Variants in PRRC1 observed in about 807,000 individuals in gnomAD.
PRRC1 encodes the protein proline rich coiled-coil 1, also known as protein PRRC1.
A neutral mutation model predicts 40.7 loss-of-function variants in PRRC1; 39 were observed. The ratio of observed to expected loss-of-function variants is 0.96; its 90% CI spans 0.74 to 1.25. The LOEUF is 1.25. Ranked by LOEUF, PRRC1 falls within the 50% of genes most tolerant of loss-of-function variation. The pLI, the probability that PRRC1 is intolerant of heterozygous loss-of-function variation, is 0.00. For synonymous variants in PRRC1, 175 were observed against 193.3 expected (o/e 0.91, Z 0.79); for missense variants, 573 against 548.3 (o/e 1.05, Z -0.45).
intron 2 of PRRC1, 166 bp downstream of exon 2, chr5:127,523,748 G>T (rs1408926168): frequency 4.6e-6 from 2 of 437,772 alleles, no homozygotes; most frequent in East Asian, 6.8e-5. Context: ...AGAAAGTCTT[G>T]TGTATTTAAA....
At chr5:127,518,734 T>TC (rs1269532704) in intron 1 of PRRC1, among the ~76,000 whole-genome samples, 2 of 150,638 alleles carry the variant, frequency 1.3e-5, no homozygotes, top group African/African-American at 4.9e-5. Context: ...ACATCCACTT[T>TC]TTTTTTTTTT....
chr5:127,535,523 C>T (rs1378920950), intron 6 of PRRC1, among the ~76,000 whole-genome samples: 4 of 152,200 alleles, frequency 2.6e-5, no homozygotes, highest in Non-Finnish European at 1.5e-5. Flanking sequence ...TCAAATTTCT[C>T]ATAGCTCTGT....
intron 7 of PRRC1, among the ~76,000 whole-genome samples, chr5:127,540,836 G>C (rs564748840): frequency 6.6e-6 from 1 of 152,072 alleles, no homozygotes; most frequent in East Asian, 1.9e-4. Flanking sequence ...TGTGATTCTG[G>C]ATATTAGCCC....
chr5:127,518,894 G>A (rs996391001), intron 1 of PRRC1, among the ~76,000 whole-genome samples: 1 of 152,072 alleles, frequency 6.6e-6, no homozygotes, highest in Non-Finnish European at 1.5e-5. Flanking sequence ...CCCTAAAACA[G>A]TTACCAACTC....
chr5:127,552,008 T>G lies in PRRC1; in HGVS notation c.*92T>G. The stretch of plus-strand genomic sequence containing the variant: ...ACCTTCCTAAATCGAATAGTCTAAA[T>G]GAATCCAGTAGTTTTTATCATTTTC... On this transcript the variant is annotated 3_prime_UTR_variant, in exon 9 of 9. Transcript: ENST00000296666. The G allele has an allele frequency of 6.5e-7, 1 of 1,538,252 alleles. No individual in the cohort carries two copies. Among genetic ancestry groups the G allele is most frequent in the Non-Finnish European group, 8.8e-7 (1 of 1,139,974 alleles).
chr5:127,529,548 C>T (rs182819189), intron 4 of PRRC1, among the ~76,000 whole-genome samples: 20 of 152,206 alleles, frequency 1.3e-4, no homozygotes, highest in African/African-American at 2.4e-4. Flanking sequence ...CCTGAGTCAC[C>T]TTAGTTTAAT....
chr5:127,533,161 C>T (rs979624235), intron 5 of PRRC1, among the ~76,000 whole-genome samples: 1 of 151,886 alleles, frequency 6.6e-6, no homozygotes, highest in Admixed American at 6.6e-5. Flanking sequence ...GGTGTATGCT[C>T]AGAACATTGT....
intron 7 of PRRC1, among the ~76,000 whole-genome samples, chr5:127,547,342 A>G (rs1459823284): frequency 2.0e-5 from 3 of 152,092 alleles, no homozygotes; most frequent in African/African-American, 7.2e-5. Context: ...TTTATTATTA[A>G]TGAAGAGAGT....
intron 8 of PRRC1, chr5:127,548,329 G>A (rs1007056221): frequency 6.1e-6 from 2 of 326,028 alleles, no homozygotes; most frequent in South Asian, 9.7e-5. Context: ...TTCATCTTTA[G>A]TGAAATCAAC....
chr5:127,539,254 T>A, intron 7 of PRRC1, 111 bp downstream of exon 7: 1 of 734,806 alleles, frequency 1.4e-6, no homozygotes, highest in South Asian at 1.7e-5. Context: ...AAAAGTATAT[T>A]TTGATGCTGG....
At position 127,553,533 on chromosome 5, in the gene PRRC1, A is replaced by G; in HGVS notation, c.*1617A>G. 8.4e-7 allele frequency: 1 copy of G among 1,187,826 alleles called. No individual in the cohort carries two copies. The highest frequency in any genetic ancestry group is 1.1e-6 in the Non-Finnish European group (1 of 952,280). 73.6% of individuals were successfully genotyped at this position (1,187,826 alleles called of 1,614,324 possible). On this transcript the variant is annotated 3_prime_UTR_variant, in exon 9 of 9. Transcript: ENST00000296666. ...GGCTTTCTCTACCATTTGCGTCTACACTTTATTTTAAAAGCTATCCTTTTC... is the reference window on the plus strand; with the variant it reads ...GGCTTTCTCTACCATTTGCGTCTACGCTTTATTTTAAAAGCTATCCTTTTC...
At chr5:127,548,078 A>T (rs1324078244) in intron 8 of PRRC1, 157 bp downstream of exon 8, 1 of 694,588 alleles carries the variant, frequency 1.4e-6, no homozygotes, top group African/African-American at 1.8e-5. Flanking sequence ...TAATTTCCTG[A>T]TCCTTCCATG....
At chr5:127,536,263 T>G (rs1767897749) in intron 6 of PRRC1, among the ~76,000 whole-genome samples, 1 of 150,856 alleles carries the variant, frequency 6.6e-6, no homozygotes, top group South Asian at 2.1e-4. Context: ...CAAAGGTAAC[T>G]GACGGCTGTA....
In PRRC1 at chr5:127,554,458, A is replaced by G. The variant is rs940401857; in HGVS notation, c.*2542A>G. The G allele has an allele frequency of 6.6e-6, 1 of 151,166 alleles. No individual in the cohort carries two copies. The highest frequency in any genetic ancestry group is 2.4e-5 in the African/African-American group (1 of 41,284). The allele number at this position is 151,166 out of a possible 1,614,324, so 9.4% of individuals were successfully genotyped here. On this transcript the variant is annotated 3_prime_UTR_variant, in exon 9 of 9. Coordinates refer to ENST00000296666, the MANE Select transcript of PRRC1 (RefSeq NM_130809.5). ...ATTGAATTTTATAAGCTTGTACACA[A>G]TATTTAATTAGTGTGAAAGGAAACA... is the stretch of plus-strand genomic sequence containing the variant.
At chr5:127,529,073 T>A (rs1045752276) in intron 4 of PRRC1, among the ~76,000 whole-genome samples, 3 of 152,226 alleles carry the variant, frequency 2.0e-5, no homozygotes, top group African/African-American at 7.2e-5. Flanking sequence ...TATCAGTATT[T>A]AGTTGTGTAA....
chr5:127,523,404 T>C, intron 1 of PRRC1, 56 bp from the exon 2 acceptor site: 1 of 794,044 alleles, frequency 1.3e-6, no homozygotes. Context: ...ATTCAAGCTT[T>C]AAAAATATAC....
At chr5:127,519,918 A>G (rs900053634) in intron 1 of PRRC1, among the ~76,000 whole-genome samples, 1 of 152,128 alleles carries the variant, frequency 6.6e-6, no homozygotes, top group Non-Finnish European at 1.5e-5. Context: ...AGTGTTTCCT[A>G]TCTTTGTGCA....
Position 127,539,078 on chromosome 5 carries a change from G to A in PRRC1, c.960G>A (p.Gly320=), listed in dbSNP as rs747422094. ...QERIDSLRRT[G]VIHEKQTAVS... ...GGATAGATAGCTTGCGTCGAACTGG[G>A]GTGATCCATGAAAAACAGACAGCTG... The change falls in exon 7 of 9, where the codon GGG becomes GGA. Residue 320 remains glycine (G), a synonymous_variant. Transcript: ENST00000296666. The A allele has an allele frequency of 3.1e-6, 5 of 1,612,794 alleles. No homozygotes were observed. Among genetic ancestry groups the A allele is most frequent in the African/African-American group, 2.7e-5 (2 of 74,858 alleles).
At chr5:127,533,889 C>A in intron 6 of PRRC1, 103 bp downstream of exon 6, 2 of 1,233,642 alleles carry the variant, frequency 1.6e-6, no homozygotes, top group Non-Finnish European at 2.4e-6. Flanking sequence ...CTTTTACATA[C>A]TGAAATAACA....
Sources: gnomAD v4.1 joint callset for allele counts (sites outside exome capture counted in the v4.1 genomes callset) on GRCh38, gnomAD v4.1.1 for gene constraint, MANE v1.5 for transcripts, NCBI Gene and HGNC (gene_info 2026-07-23, HGNC 2026-07-21) for gene names.